The following NLGN2 variants were observed in gnomAD, a reference collection of about 807,000 sequenced individuals.
NLGN2 encodes neuroligin-2.
Under a neutral mutation model 48.6 loss-of-function variants are expected in NLGN2, and 11 were observed. That is an observed-to-expected ratio of 0.23 (90% CI 0.14 to 0.37). NLGN2 has a LOEUF of 0.37. NLGN2 is among the 10% of genes least tolerant of loss of function. NLGN2 has a pLI of 1.00. For missense variants in NLGN2, 801 were observed against 1,225.2 expected, an observed-to-expected ratio of 0.65 and a Z score of 5.17; for synonymous variants, 548 against 550.0, an observed-to-expected ratio of 1.00 and a Z score of 0.05.
intron 2 of NLGN2, 72 bp downstream of exon 2, chr17:7,412,279 A>G: frequency 8.9e-7 from 1 of 1,129,884 alleles, no homozygotes; most frequent in South Asian, 1.2e-5. Flanking sequence ...CCCTCACTAA[A>G]TGTCCCCACA....
chr17:7,404,714 G>A (rs1326795103), upstream of NLGN2, among the ~76,000 whole-genome samples: 1 of 151,828 alleles, frequency 6.6e-6, no homozygotes. Flanking sequence ...GCCCTGGCCC[G>A]CTACGTCCAT....
At chr17:7,406,784 G>A (rs1906664563), upstream of NLGN2, among the ~76,000 whole-genome samples, 1 of 152,134 alleles carries the variant, frequency 6.6e-6, no homozygotes, top group Admixed American at 6.5e-5. Context: ...AAGGGGAAGG[G>A]TAGGTGAATG....
rs1444183576 is a variant in NLGN2 at position 7,419,678 on chromosome 17, T to C, written c.*1879T>C. The C allele has an allele frequency of 1.3e-5, 2 of 152,324 alleles. No individual in the cohort carries two copies. The highest frequency in any genetic ancestry group is 6.6e-5 in the Admixed American group (1 of 15,266). 9.4% of individuals were successfully genotyped at this position (152,324 alleles called of 1,614,324 possible). A position where few individuals can be genotyped will look rare whatever the true frequency, so the allele number is the denominator to read the frequency against. On this transcript the variant is annotated 3_prime_UTR_variant, in exon 7 of 7. Coordinates refer to ENST00000302926, the MANE Select transcript of NLGN2 (RefSeq NM_020795.4). ...ACCCTGTAGACAGATGCCCTCAGAA[T>C]TGGGGCATGGGAGGGGGGCTGGGGG...
chr17:7,404,929 A>T (rs1355449213), upstream of NLGN2: 12 of 147,806 alleles, frequency 8.1e-5, no homozygotes, highest in East Asian at 2.7e-3. Flanking sequence ...TCGGGCTGGG[A>T]TGGACGCGGG....
In NLGN2 at chr17:7,419,843, T is replaced by A. The variant is rs1474178737; in HGVS notation, c.*2044T>A. 6.6e-6 allele frequency: 1 copy of A among 152,618 alleles called. No homozygotes were observed. The highest frequency in any genetic ancestry group is 1.5e-5 in the Non-Finnish European group (1 of 68,358). The allele number at this position is 152,618 out of a possible 1,614,324, so 9.5% of individuals were successfully genotyped here. On this transcript the variant is annotated 3_prime_UTR_variant, in exon 7 of 7. Coordinates refer to ENST00000302926, the MANE Select transcript of NLGN2 (RefSeq NM_020795.4). ...CAAAAGATGAAGAGAATATTGTAAA[T>A]ATAAAAGTTTAACTGTTGGTTGTGC...
Position 7,417,754 on chromosome 17 carries a change from C to G in NLGN2, c.2463C>G (p.Ser821Arg), listed in dbSNP as rs1188260176. 7.6e-7 allele frequency: 1 copy of G among 1,316,708 alleles called. No homozygotes were observed. Among genetic ancestry groups the G allele is most frequent in the Non-Finnish European group, 9.9e-7 (1 of 1,011,600 alleles). The allele number at this position is 1,316,708 out of a possible 1,614,324, so 81.6% of individuals were successfully genotyped here. ...CCCCGCCCCCTCCCACCGCCACCAG[C>G]CACAACAACACGCTACCCCACCCCC... ...PFPPPPPTAT[S>R]HNNTLPHPHS... is the part of the protein sequence containing the mutation. The change falls in exon 7 of 7, where the codon AGC (serine) becomes AGG (arginine). Residue 821 changes from serine to arginine, a missense_variant. Ser to Arg is a moderately radical substitution (Grantham distance 110). Coordinates refer to ENST00000302926, the MANE Select transcript of NLGN2 (RefSeq NM_020795.4).
upstream of NLGN2, among the ~76,000 whole-genome samples, chr17:7,406,335 C>A (rs1906635851): frequency 6.6e-6 from 1 of 151,624 alleles, no homozygotes; most frequent in African/African-American, 2.4e-5. Context: ...CCCAGAGTAC[C>A]CTCAAGAGGA....
chr17:7,407,803 G>C (rs746210075), upstream of NLGN2, among the ~76,000 whole-genome samples: 134 of 152,168 alleles, frequency 8.8e-4, no homozygotes, highest in South Asian at 2.5e-3. Flanking sequence ...CTGCTGGGTG[G>C]GAGTGGGGAG....
At chr17:7,414,576 A>G (rs1597711905) in intron 3 of NLGN2, 83 bp downstream of exon 3, 1 of 1,610,572 alleles carries the variant, frequency 6.2e-7, no homozygotes, top group African/African-American at 1.3e-5. Flanking sequence ...ATCCAGCAGA[A>G]TGGCTTCTGG....
At chr17:7,415,422 G>C (rs1907059879) in intron 5 of NLGN2, 89 bp from the exon 6 acceptor site, 1 of 1,214,958 alleles carries the variant, frequency 8.2e-7, no homozygotes, top group Non-Finnish European at 1.2e-6. Flanking sequence ...CTTGCAGGTA[G>C]AGGGAAGCAT....
rs773585448 is a variant in NLGN2 at position 7,414,990 on chromosome 17, C to T, written c.879C>T (p.Thr293=). 2.5e-5 allele frequency: 41 copies of T among 1,612,490 alleles called. No homozygotes were observed. Among genetic ancestry groups the T allele is most frequent in the South Asian group, 2.2e-4 (20 of 91,082 alleles). The change falls in exon 5 of 7, where the codon ACC becomes ACT. Residue 293 remains threonine, a synonymous_variant. Coordinates refer to ENST00000302926, the MANE Select transcript of NLGN2 (RefSeq NM_020795.4). ...LFQKAIAQSG[T]AISSWSVNYQ... is the part of the protein sequence containing the mutation. ...AGAAGGCCATCGCCCAGAGTGGCAC[C>T]GCCATTTCCAGCTGGTCTGTCAACT...
chr17:7,416,649 T>C (rs1328170502), intron 6 of NLGN2, among the ~76,000 whole-genome samples: 2 of 152,172 alleles, frequency 1.3e-5, no homozygotes, highest in Non-Finnish European at 2.9e-5. Context: ...TGCTTCTCCC[T>C]GGCTATCTCT....
chr17:7,406,664 C>A (rs1356107469), upstream of NLGN2, among the ~76,000 whole-genome samples: 1 of 122,444 alleles, frequency 8.2e-6, no homozygotes. Context: ...GGGGGGGGGG[C>A]TTGCCGAAAT....
intron 1 of NLGN2, 105 bp from the exon 2 acceptor site, chr17:7,412,052 C>CCCTTTTT: frequency 2.0e-6 from 1 of 501,684 alleles, no homozygotes; most frequent in South Asian, 2.0e-5. Context: ...CCACCCTCCC[C>CCCTTTTT]TTTTCTGCTT....
At chr17:7,406,490 T>G (rs1339403011), upstream of NLGN2, among the ~76,000 whole-genome samples, 1 of 152,054 alleles carries the variant, frequency 6.6e-6, no homozygotes, top group Non-Finnish European at 1.5e-5. Context: ...TAGAGGAGCC[T>G]TAGAGAAGCT....
At chr17:7,406,341 G>A (rs1214287909), upstream of NLGN2, among the ~76,000 whole-genome samples, 1 of 151,884 alleles carries the variant, frequency 6.6e-6, no homozygotes, top group Admixed American at 6.6e-5. Context: ...GTACCCTCAA[G>A]AGGAGAGGGT....
In NLGN2 at chr17:7,415,141, C is replaced by T; in HGVS notation, c.1030C>T (p.Pro344Ser). The T allele has an allele frequency of 6.3e-7, 1 of 1,596,682 alleles. No homozygotes were observed. Among genetic ancestry groups the T allele is most frequent in the South Asian group, 1.1e-5 (1 of 89,052 alleles). ...GGAGCTGGTGGACCAGGACGTGCAG[C>T]CTGCCCGGTATGGGGTGGGAGAGGG... ...SRELVDQDVQ[P>S]ARYHIAFGPV... is the part of the protein sequence containing the mutation. Residue 344 changes from proline (P) to serine (S), a missense_variant, in exon 5 of 7, where the codon CCT (proline) becomes TCT (serine). Around this residue, in one of 5 missense-constraint regions of NLGN2, gnomAD observed 303 missense variants for 600.1 expected, o/e 0.50. Transcript: ENST00000302926.
Position 7,417,677 on chromosome 17 carries a change from G to A in NLGN2, c.2386G>A (p.Gly796Arg). The change falls in exon 7 of 7, where the codon GGG becomes AGG. Residue 796 changes from glycine to arginine, a missense_variant. Physicochemically the swap from Gly to Arg is moderately radical, Grantham distance 125. Coordinates refer to ENST00000302926, the MANE Select transcript of NLGN2 (RefSeq NM_020795.4). ...GALTLLPSGL[G>R]PPPPPPPPSL... ...CCTGACCCTGCTGCCCAGTGGCCTG[G>A]GGCCACCGCCACCCCCACCGCCCCC... 7.3e-7 allele frequency: 1 copy of A among 1,374,766 alleles called. No individual in the cohort carries two copies. Among genetic ancestry groups the A allele is most frequent in the Non-Finnish European group, 9.3e-7 (1 of 1,070,960 alleles). The allele number at this position is 1,374,766 out of a possible 1,614,324, so 85.2% of individuals were successfully genotyped here.
chr17:7,408,345 C>A lies in NLGN2; in HGVS notation c.90C>A (p.Gly30=). Reference sequence around the variant, plus strand: ...GCGGCGGCGCCCCGGGCGGCCCCGGCCTGGGCCTCGGCAGCCTCGGCGAGG... The same window carrying A: ...GCGGCGGCGCCCCGGGCGGCCCCGGACTGGGCCTCGGCAGCCTCGGCGAGG... ...GPGGGAPGGP[G]LGLGSLGEER... Residue 30 remains glycine, a synonymous_variant, in exon 1 of 7, where the codon GGC becomes GGA. Transcript: ENST00000302926. This position sits in a 1 kb window ranked among gnomAD's most constrained non-coding sequence, Gnocchi z 7.5. 6.8e-7 allele frequency: 1 copy of A among 1,476,214 alleles called. No homozygotes were observed. Among genetic ancestry groups the A allele is most frequent in the Non-Finnish European group, 9.0e-7 (1 of 1,116,652 alleles). 91.4% of individuals were successfully genotyped at this position (1,476,214 alleles called of 1,614,324 possible).
Sources: gnomAD v4.1 joint callset for allele counts (sites outside exome capture counted in the v4.1 genomes callset) on GRCh38, gnomAD v4.1.1 for gene constraint, gnomAD v4.1.1 regional missense constraint, Gnocchi (gnomAD v3.1) non-coding constraint, MANE v1.5 for transcripts, NCBI Gene and HGNC (gene_info 2026-07-23, HGNC 2026-07-21) for gene names.